The following ASAH2 variants were observed in gnomAD, a reference collection of about 807,000 sequenced individuals.
ASAH2 encodes neutral ceramidase.
Under a neutral mutation model 82.9 loss-of-function variants are expected in ASAH2, and 58 were observed. That is an observed-to-expected ratio of 0.70 (90% confidence interval 0.57 to 0.87). The LOEUF is 0.87. Ranked by LOEUF, ASAH2 falls within the 40% of genes least tolerant of loss-of-function variation. The probability of loss-of-function intolerance (pLI) is 0.00; values close to 1 mark genes in which losing one functional copy is unlikely to be tolerated. For missense variants in ASAH2, 779 were observed against 834.0 expected (o/e 0.93, Z 0.81); for synonymous variants, 276 against 289.7 (o/e 0.95, Z 0.48).
intron 1 of ASAH2, among the ~76,000 whole-genome samples, chr10:50,250,169 A>T (rs756421214): frequency 4.6e-5 from 7 of 152,056 alleles, no homozygotes; most frequent in Non-Finnish European, 8.8e-5. Flanking sequence ...TTCTCTTTAG[A>T]TGGGGGATAT....
chr10:50,238,087 T>A (rs1846203775), intron 4 of ASAH2, among the ~76,000 whole-genome samples: 1 of 152,190 alleles, frequency 6.6e-6, no homozygotes, highest in Admixed American at 6.6e-5. Flanking sequence ...TTTGTATTGT[T>A]CACCAATTTC....
At chr10:50,237,853 C>T (rs1018171543) in intron 4 of ASAH2, among the ~76,000 whole-genome samples, 4 of 152,104 alleles carry the variant, frequency 2.6e-5, no homozygotes, top group Admixed American at 1.3e-4. Flanking sequence ...GATGGGTACC[C>T]CATTTTCCAT....
chr10:50,203,298 C>T (rs1429304078), intron 15 of ASAH2, among the ~76,000 whole-genome samples: 1 of 151,886 alleles, frequency 6.6e-6, no homozygotes, highest in Non-Finnish European at 1.5e-5. Context: ...CAAAATACAG[C>T]ACAGATAAAA....
At chr10:50,217,353 A>T (rs565825163) in intron 8 of ASAH2, among the ~76,000 whole-genome samples, 117 of 149,860 alleles carry the variant, frequency 7.8e-4, no homozygotes, top group African/African-American at 2.8e-3. Flanking sequence ...TCAGCCTCCC[A>T]AGTAGCTGGG....
At chr10:50,251,341 A>G (rs1355044085) in intron 1 of ASAH2, among the ~76,000 whole-genome samples, 54 bp downstream of exon 1, 2 of 152,216 alleles carry the variant, frequency 1.3e-5, no homozygotes, top group South Asian at 2.1e-4. Flanking sequence ...AGACAATAGG[A>G]TAATTCAAGA....
At chr10:50,216,172 G>T (rs1466309944) in intron 8 of ASAH2, among the ~76,000 whole-genome samples, 2 of 151,708 alleles carry the variant, frequency 1.3e-5, no homozygotes, top group Non-Finnish European at 2.9e-5. Flanking sequence ...TGGGGGGCTG[G>T]GGAGGGATAG....
intron 13 of ASAH2, among the ~76,000 whole-genome samples, chr10:50,205,658 C>G (rs1271633575): frequency 6.6e-6 from 1 of 151,940 alleles, no homozygotes; most frequent in African/African-American, 2.4e-5. Flanking sequence ...TTTTCTTCTG[C>G]AGAAAATTTG....
chr10:50,209,986 A>G (rs1845407467), intron 12 of ASAH2, among the ~76,000 whole-genome samples: 1 of 152,182 alleles, frequency 6.6e-6, no homozygotes, highest in African/African-American at 2.4e-5. Context: ...GCAGCTTCTC[A>G]GATGATTAAA....
rs989350904 is a variant in ASAH2, at chr10:50,229,014, G to A, written c.893+4170C>T. The stretch of plus-strand genomic sequence containing the variant: ...CCTCACCTGTCTCAGAGCTGCCTTC[G>A]TAAGTGTAGCTATGTGAGTAGTAGC... On this transcript the variant is annotated intron_variant, in intron 7 of 20. Transcript: ENST00000682911. 2.4e-4 allele frequency among the ~76,000 whole-genome samples: 37 copies of A among 152,126 alleles called. 1 individual carries two copies. The highest frequency in any genetic ancestry group is 5.2e-4 in the Admixed American group (8 of 15,266).
In ASAH2 at chr10:50,236,020, T is replaced by C. The variant is rs1846151213; in HGVS notation, c.555A>G (p.Arg185=). Residue 185 remains arginine, a synonymous_variant, in exon 5 of 21, where the codon AGA becomes AGG. Coordinates refer to ENST00000682911, the MANE Select transcript of ASAH2 (RefSeq NM_019893.4). ...LQSKYGSLYR[R]DNVILSGTHT... is the part of the protein sequence containing the mutation. The stretch of plus-strand genomic sequence containing the variant: ...GAGTGCCACTCAGGATGACATTATC[T>C]CTTCTGTACAGGGAGCCATATTTAC... 1 of 1,613,202 alleles carries C rather than the reference T, an allele frequency of 6.2e-7. No homozygotes were observed. The highest frequency in any genetic ancestry group is 1.1e-5 in the South Asian group (1 of 91,066).
In ASAH2 at chr10:50,204,856, C is replaced by G; in HGVS notation, c.1625+5G>C. 1 of 1,596,860 alleles carries G rather than the reference C, an allele frequency of 6.3e-7. No homozygotes were observed. Among genetic ancestry groups the G allele is most frequent in the Non-Finnish European group, 8.6e-7 (1 of 1,166,964 alleles). On this transcript the variant is annotated splice_donor_5th_base_variant and intron_variant, in intron 14 of 20. Coordinates refer to ENST00000682911, the MANE Select transcript of ASAH2 (RefSeq NM_019893.4). ...TTTAACTAAGTAATAAAAAGAAAAA[C>G]TTACGTAAACTCCCCGGGGATGGCA...
chr10:50,203,698 T>C lies in ASAH2; in HGVS notation c.1626-19A>G. ...CATGGTCCTGAGTCAAGAAAAAAAT[T>C]ATGTAAACGTTTTCCTACTAGACGT... On this transcript the variant is annotated intron_variant, in intron 14 of 20. Transcript: ENST00000682911. 2 of 1,611,352 alleles carry C rather than the reference T, an allele frequency of 1.2e-6. No individual in the cohort carries two copies. The highest frequency in any genetic ancestry group is 1.7e-5 in the Admixed American group (1 of 59,908).
chr10:50,217,229 CTTT>C (rs878958733), intron 8 of ASAH2, among the ~76,000 whole-genome samples: 6 of 136,880 alleles, frequency 4.4e-5, no homozygotes, highest in Non-Finnish European at 3.1e-5. Flanking sequence ...TGTTTTCTTT[CTTT>C]TTTTTTTTTT....
intron 16 of ASAH2, among the ~76,000 whole-genome samples, chr10:50,201,450 C>A (rs1035835784): frequency 1.4e-4 from 21 of 152,158 alleles, no homozygotes; most frequent in African/African-American, 4.6e-4. Context: ...CTGCCAGCAC[C>A]CAAAAGCACT....
intron 8 of ASAH2, among the ~76,000 whole-genome samples, chr10:50,215,339 T>C (rs1241567672): frequency 6.6e-6 from 1 of 150,988 alleles, no homozygotes; most frequent in Non-Finnish European, 1.5e-5. Flanking sequence ...TTTGTTGCTA[T>C]TGCTTTTGGT....
At chr10:50,201,788 G>T (rs993521034) in intron 16 of ASAH2, among the ~76,000 whole-genome samples, 1 of 152,234 alleles carries the variant, frequency 6.6e-6, no homozygotes, top group Non-Finnish European at 1.5e-5. Context: ...CCAATGTTGT[G>T]ATACAGTAAT....
intron 8 of ASAH2, among the ~76,000 whole-genome samples, chr10:50,216,470 A>C (rs1450703629): frequency 6.6e-6 from 1 of 152,244 alleles, no homozygotes; most frequent in Non-Finnish European, 1.5e-5. Flanking sequence ...TTTTAACCAG[A>C]AACACTGTGT....
intron 7 of ASAH2, among the ~76,000 whole-genome samples, chr10:50,221,047 T>C (rs1845731109): frequency 6.6e-6 from 1 of 152,134 alleles, no homozygotes; most frequent in Admixed American, 6.6e-5. Flanking sequence ...CACCAATGAG[T>C]GAGCTGAATT....
chr10:50,214,751 T>A lies in ASAH2; in HGVS notation c.1132A>T (p.Ile378Phe). ...GTGTCATAATTACCTACCCCACCAA[T>A]GGGACAAGTGCTATTGGCGTTATCA... is the stretch of plus-strand genomic sequence containing the variant. The part of the protein sequence containing the change: ...SCDNANSTCP[I>F]GGPSMCIAKG... The change falls in exon 9 of 21, where the codon ATT (isoleucine) becomes TTT (phenylalanine). Residue 378 changes from isoleucine to phenylalanine, a missense_variant. Ile to Phe is a conservative substitution (Grantham distance 21, BLOSUM62 0). Transcript: ENST00000682911. The A allele has an allele frequency of 6.2e-7, 1 of 1,613,718 alleles. No homozygotes were observed. The highest frequency in any genetic ancestry group is 8.5e-7 in the Non-Finnish European group (1 of 1,179,678).
Sources: gnomAD v4.1 joint callset for allele counts (sites outside exome capture counted in the v4.1 genomes callset) on GRCh38, gnomAD v4.1.1 for gene constraint, MANE v1.5 for transcripts, NCBI Gene and HGNC (gene_info 2026-07-23, HGNC 2026-07-21) for gene names.